The following ZMIZ1 variants were observed in gnomAD, a reference collection of about 807,000 sequenced individuals.
ZMIZ1 encodes the protein zinc finger MIZ domain-containing protein 1.
A neutral mutation model predicts 113.9 loss-of-function variants in ZMIZ1; 17 were observed. The observed-to-expected ratio is 0.15, with a 90% CI of 0.10 to 0.22. The LOEUF (loss-of-function observed/expected upper bound fraction) is 0.22. Among genes scored for constraint, ZMIZ1 ranks in the 10% least tolerant of loss-of-function variants. ZMIZ1 has a pLI of 1.00. For synonymous variants in ZMIZ1, 607 were observed against 603.1 expected, an observed-to-expected ratio of 1.01 and a Z score of -0.09; for missense variants, 1,059 against 1,477.8, an observed-to-expected ratio of 0.72 and a Z score of 4.65.
rs1347289425 is a variant in ZMIZ1, at chr10:79,094,712, G to T, written c.-336-24203G>T. On this transcript the variant is annotated intron_variant, in intron 1 of 24. Transcript: ENST00000334512. ...GCCTCTAATCCCTGCACTTTGGGAG[G>T]CCAAGGTGAGCGGATCGCTTGAGCT... is the stretch of plus-strand genomic sequence containing the variant. Among the ~76,000 whole-genome samples the T allele has an allele frequency of 2.0e-5, 3 of 152,346 alleles. No individual in the cohort carries two copies. In the South Asian group the frequency reaches 6.2e-4, roughly 32 times the overall value.
At chr10:79,207,781 T>C (rs558264432) in intron 5 of ZMIZ1, among the ~76,000 whole-genome samples, 25 of 151,864 alleles carry the variant, frequency 1.6e-4, no homozygotes, top group Non-Finnish European at 3.5e-4. Flanking sequence ...CCCATCACCT[T>C]ATGTGGCTAG....
chr10:79,255,395 A>G (rs1274722711), intron 7 of ZMIZ1, among the ~76,000 whole-genome samples: 1 of 152,230 alleles, frequency 6.6e-6, no homozygotes, highest in Admixed American at 6.5e-5. Flanking sequence ...GATGTGAGCA[A>G]GTCTGCTGAA....
At chr10:79,130,575 C>T (rs1167232777) in intron 2 of ZMIZ1, among the ~76,000 whole-genome samples, 1 of 152,170 alleles carries the variant, frequency 6.6e-6, no homozygotes, top group Non-Finnish European at 1.5e-5. Context: ...TATCTGTCTC[C>T]CCAGCACACA....
chr10:79,215,416 C>A (rs1012698548), intron 6 of ZMIZ1, among the ~76,000 whole-genome samples: 17 of 152,026 alleles, frequency 1.1e-4, no homozygotes, highest in African/African-American at 3.9e-4. Flanking sequence ...TCTTCTGCCT[C>A]AGCCTCCAGA....
At chr10:79,309,190 C>T (rs180799883) in intron 23 of ZMIZ1, among the ~76,000 whole-genome samples, 11 of 152,350 alleles carry the variant, frequency 7.2e-5, no homozygotes, top group Non-Finnish European at 1.5e-4. Flanking sequence ...TGCTGCTGCC[C>T]CCACAGACTG....
rs752156609 is a variant in ZMIZ1, at chr10:79,289,851, A to C, written c.502A>C (p.Thr168Pro). ...NQPPGSLSVV[T>P]TVWGVTNTSQ... ...GCCTCCCGGCTCCCTTTCCGTGGTC[A>C]CCACGGTTTGGGGAGTAACCAACAC... The change falls in exon 9 of 25, where the codon ACC becomes CCC. Residue 168 changes from threonine to proline, a missense_variant. Physicochemically the swap from Thr to Pro is conservative, Grantham distance 38. Around this residue, in one of 6 missense-constraint regions of ZMIZ1, gnomAD observed 272 missense variants for 350.4 expected, o/e 0.78. Coordinates refer to ENST00000334512, the MANE Select transcript of ZMIZ1 (RefSeq NM_020338.4). 6.2e-7 allele frequency: 1 copy of C among 1,614,078 alleles called. No individual in the cohort carries two copies. The highest frequency in any genetic ancestry group is 8.5e-7 in the Non-Finnish European group (1 of 1,179,928).
At chr10:79,269,833 C>G (rs1851843470) in intron 7 of ZMIZ1, among the ~76,000 whole-genome samples, 1 of 152,212 alleles carries the variant, frequency 6.6e-6, no homozygotes. Context: ...CCTTTTCAAG[C>G]CAAGTGCAGC....
intron 7 of ZMIZ1, among the ~76,000 whole-genome samples, chr10:79,228,598 G>T (rs1342005905): frequency 6.6e-6 from 1 of 152,252 alleles, no homozygotes; most frequent in Non-Finnish European, 1.5e-5. Flanking sequence ...TCTTGCCCCT[G>T]TGAGCTGCCC....
chr10:79,119,048 TG>T (rs1048878513), intron 2 of ZMIZ1, 24 bp downstream of exon 2: 20 of 152,560 alleles, frequency 1.3e-4, no homozygotes, highest in African/African-American at 4.8e-4. Flanking sequence ...GCTGGCCCTC[TG>T]GTGCTGTGCA....
At chr10:79,216,298 C>T (rs370095769) in intron 7 of ZMIZ1, 24 bp downstream of exon 7, 50 of 1,562,404 alleles carry the variant, frequency 3.2e-5, no homozygotes, top group African/African-American at 8.3e-5. Flanking sequence ...GGGGACTCTG[C>T]GATGTCACTG....
chr10:79,291,033 C>T lies in ZMIZ1; in HGVS notation c.615C>T (p.Thr205=). ...PGGNPMASGM[T]TSNPGLNSPQ... is the part of the protein sequence containing the mutation. ...GCAACCCCATGGCGTCGGGCATGAC[C>T]ACCAGCAACCCAGGCCTCAACTCCC... Residue 205 remains threonine, a synonymous_variant, in exon 10 of 25, where the codon ACC becomes ACT. Transcript: ENST00000334512. 1 of 1,614,250 alleles carries T rather than the reference C, an allele frequency of 6.2e-7. No individual in the cohort carries two copies.
intron 7 of ZMIZ1, among the ~76,000 whole-genome samples, chr10:79,233,407 G>A (rs940976711): frequency 1.3e-5 from 2 of 152,216 alleles, no homozygotes; most frequent in South Asian, 2.1e-4. Flanking sequence ...GTGAGGGCAC[G>A]CTCCCCGTAG....
At position 79,313,287 on chromosome 10, in the gene ZMIZ1, A is replaced by T; in HGVS notation, c.*538A>T. 6.5e-6 allele frequency: 1 copy of T among 153,300 alleles called. No individual in the cohort carries two copies. Among genetic ancestry groups the T allele is most frequent in the Admixed American group, 6.4e-5 (1 of 15,508 alleles). 9.5% of individuals were successfully genotyped at this position (153,300 alleles called of 1,614,324 possible). A position where few individuals can be genotyped will look rare whatever the true frequency, so the allele number is the denominator to read the frequency against. Reference sequence around the variant, plus strand: ...GAGACCAGCCCACCCACCACCACCCACCACAGAAAAGCACAAACCTCTGGG... The same window carrying T: ...GAGACCAGCCCACCCACCACCACCCTCCACAGAAAAGCACAAACCTCTGGG... On this transcript the variant is annotated 3_prime_UTR_variant, in exon 25 of 25. Transcript: ENST00000334512.
chr10:79,176,601 C>T (rs946856555), intron 4 of ZMIZ1, among the ~76,000 whole-genome samples: 16 of 150,664 alleles, frequency 1.1e-4, no homozygotes, highest in Non-Finnish European at 2.4e-4. Context: ...AAGCATTGCT[C>T]AGTTTACCGA....
chr10:79,257,847 T>C (rs1204398340), intron 7 of ZMIZ1, among the ~76,000 whole-genome samples: 1 of 152,234 alleles, frequency 6.6e-6, no homozygotes, highest in African/African-American at 2.4e-5. Context: ...ACAAAGGTGA[T>C]TGCTGTTGAG....
chr10:79,167,090 T>C (rs1846386882), intron 4 of ZMIZ1, among the ~76,000 whole-genome samples: 1 of 152,168 alleles, frequency 6.6e-6, no homozygotes, highest in South Asian at 2.1e-4. Flanking sequence ...CATGGCTCCA[T>C]CCTCGGAAGC....
At chr10:79,274,234 C>G (rs1695492318) in intron 7 of ZMIZ1, among the ~76,000 whole-genome samples, 1 of 152,240 alleles carries the variant, frequency 6.6e-6, no homozygotes, top group African/African-American at 2.4e-5. Flanking sequence ...GCACACCACA[C>G]CAGGTCCTCC....
chr10:79,310,725 C>CAG (rs1273505626), intron 23 of ZMIZ1, among the ~76,000 whole-genome samples, 199 bp from the exon 24 acceptor site: 1 of 152,158 alleles, frequency 6.6e-6, no homozygotes, highest in African/African-American at 2.4e-5. Flanking sequence ...CGTCCCCCTG[C>CAG]AGCCTCCCTG....
chr10:79,116,067 T>C (rs986592161), intron 1 of ZMIZ1, among the ~76,000 whole-genome samples: 2 of 152,112 alleles, frequency 1.3e-5, no homozygotes, highest in African/African-American at 4.8e-5. Flanking sequence ...CATGGCTTAC[T>C]GTGAAATGGG....
Sources: allele counts gnomAD v4.1 joint callset (sites outside exome capture counted in the v4.1 genomes callset), GRCh38; gene constraint gnomAD v4.1.1; regional missense constraint gnomAD v4.1.1; transcripts MANE v1.5; gene names NCBI Gene and HGNC (gene_info 2026-07-23, HGNC 2026-07-21).